Variants in ATP9A observed in about 807,000 individuals in gnomAD.
ATP9A encodes the protein probable phospholipid-transporting ATPase IIA.
Under a neutral mutation model 144.1 loss-of-function variants are expected in ATP9A, and 52 were observed. The ratio of observed to expected loss-of-function variants is 0.36; its 90% CI spans 0.29 to 0.45. The LOEUF (loss-of-function observed/expected upper bound fraction) is 0.45, where lower values mean the gene tolerates loss of function less well. ATP9A is among the 20% of genes least tolerant of loss of function. ATP9A has a pLI of 1.00. For missense variants in ATP9A, 947 were observed against 1,392.7 expected (o/e 0.68, Z 5.09); for synonymous variants, 582 against 557.4 (o/e 1.04, Z -0.62).
rs377152648 is a variant in ATP9A at position 51,670,000 on chromosome 20, G to T, written c.1290C>A (p.Thr430=). Residue 430 remains threonine (T), a synonymous_variant, in exon 13 of 28, where the codon ACC becomes ACA. Coordinates refer to ENST00000338821, the MANE Select transcript of ATP9A (RefSeq NM_006045.3). ...GTGTTGAAATGGAAGGCTTTACCTG[G>T]GTGTAAATGCTGAAAATGTGGCTTT... ...EVQSHIFSIY[T]QQSQDPPAQK... The T allele has an allele frequency of 2.7e-4, 438 of 1,611,846 alleles. 5 individuals are homozygous for T. The South Asian group carries it at 4.5e-3, about 17-fold the overall frequency.
intron 3 of ATP9A, among the ~76,000 whole-genome samples, chr20:51,717,921 T>TGAGATCACG (rs2077669294): frequency 6.7e-6 from 1 of 149,138 alleles, no homozygotes; most frequent in Non-Finnish European, 1.5e-5. Flanking sequence ...GCCATTGCAC[T>TGAGATCACG]CCAGCCTGGG....
intron 4 of ATP9A, among the ~76,000 whole-genome samples, chr20:51,701,246 G>GC (rs2077592064): frequency 6.6e-6 from 1 of 152,094 alleles, no homozygotes; most frequent in Non-Finnish European, 1.5e-5. Flanking sequence ...AATAATAATT[G>GC]CCTATGTATA....
intron 14 of ATP9A, among the ~76,000 whole-genome samples, chr20:51,643,250 G>GAA (rs2077328302): frequency 6.6e-6 from 1 of 152,198 alleles, no homozygotes. Context: ...ACCTTTCAAA[G>GAA]AAAGGACCAA....
chr20:51,619,103 A>C, intron 19 of ATP9A, 60 bp from the exon 20 acceptor site: 1 of 1,473,806 alleles, frequency 6.8e-7, no homozygotes, highest in Non-Finnish European at 9.4e-7. Flanking sequence ...AGAACAACAA[A>C]CAGTGGCTTC....
At position 51,748,948 on chromosome 20, in the gene ATP9A, T is replaced by TAGATAGATAGATAGATAGACAGACAGAC. The variant is rs765791447; in HGVS notation, c.69-18971_69-18970insGTCTGTCTGTCTATCTATCTATCTATCT. On this transcript the variant is annotated intron_variant, in intron 1 of 27. Coordinates refer to ENST00000338821, the MANE Select transcript of ATP9A (RefSeq NM_006045.3). ...ATAGATAGATAGATAGATAGATAGA[T>TAGATAGATAGATAGATAGACAGACAGAC]AGACAGACAGACAGACAGACAGACA... Among the ~76,000 whole-genome samples, 209 of 137,896 alleles carry TAGATAGATAGATAGATAGACAGACAGAC rather than the reference T, an allele frequency of 1.5e-3. 1 individual carries two copies. The highest frequency in any genetic ancestry group is 3.0e-3 in the Admixed American group (39 of 13,098). The allele number at this position is 137,896 out of a possible 152,430, so 90.5% of individuals were successfully genotyped here.
chr20:51,712,973 T>C lies in ATP9A; in HGVS notation c.429A>G (p.Thr143=). ...AGGAGCCAGAAGGCTGACCTCGTGC[T>C]GTGAGCCGGCTGTAGACCTGGGAGT... is the stretch of plus-strand genomic sequence containing the variant. ...EVNSQVYSRL[T]ARGTVKVKSS... Residue 143 remains threonine (T), a synonymous_variant, in exon 4 of 28, where the codon ACA becomes ACG. Transcript: ENST00000338821. The C allele has an allele frequency of 6.2e-7, 1 of 1,610,052 alleles. No homozygotes were observed. The highest frequency in any genetic ancestry group is 8.5e-7 in the Non-Finnish European group (1 of 1,178,182).
intron 4 of ATP9A, among the ~76,000 whole-genome samples, chr20:51,697,935 A>G (rs1413570703): frequency 6.6e-6 from 1 of 152,234 alleles, no homozygotes; most frequent in African/African-American, 2.4e-5. Context: ...GCTTTGATTT[A>G]TAGGATTATG....
At chr20:51,644,830 C>T (rs1223167444) in intron 14 of ATP9A, among the ~76,000 whole-genome samples, 2 of 151,990 alleles carry the variant, frequency 1.3e-5, no homozygotes, top group African/African-American at 2.4e-5. Flanking sequence ...GTAGCTATTA[C>T]TTTGCCTGTT....
chr20:51,707,176 T>C (rs2077618078), intron 4 of ATP9A, among the ~76,000 whole-genome samples: 1 of 152,168 alleles, frequency 6.6e-6, no homozygotes, highest in Admixed American at 6.6e-5. Flanking sequence ...GTCCCGTACT[T>C]GGTTTAATGC....
intron 11 of ATP9A, among the ~76,000 whole-genome samples, chr20:51,673,829 C>T (rs1455405880): frequency 1.3e-5 from 2 of 152,064 alleles, no homozygotes; most frequent in Non-Finnish European, 2.9e-5. Flanking sequence ...TCAGGTAGAT[C>T]ACCTGAGGTC....
chr20:51,708,889 T>C (rs895845964), intron 4 of ATP9A, among the ~76,000 whole-genome samples: 2 of 152,144 alleles, frequency 1.3e-5, no homozygotes, highest in Non-Finnish European at 2.9e-5. Flanking sequence ...ACCGAGGAGC[T>C]CTGCCAGGCT....
intron 3 of ATP9A, among the ~76,000 whole-genome samples, chr20:51,720,186 A>G (rs1288975288): frequency 1.3e-5 from 2 of 152,254 alleles, no homozygotes; most frequent in African/African-American, 2.4e-5. Context: ...GAACATTTGT[A>G]TATTTCTTGA....
chr20:51,614,169 CAA>C (rs983562278), intron 22 of ATP9A, among the ~76,000 whole-genome samples: 1 of 152,164 alleles, frequency 6.6e-6, no homozygotes, highest in African/African-American at 2.4e-5. Flanking sequence ...GCTAATTAAA[CAA>C]GAGGCAAAAA....
chr20:51,608,582 A>G lies in ATP9A; in HGVS notation c.2681T>C (p.Leu894Pro). 6.2e-7 allele frequency: 1 copy of G among 1,613,762 alleles called. No homozygotes were observed. The highest frequency in any genetic ancestry group is 8.5e-7 in the Non-Finnish European group (1 of 1,179,606). Residue 894 changes from leucine to proline, a missense_variant, in exon 25 of 28, where the codon CTG (leucine) becomes CCG (proline). Physicochemically the swap from Leu to Pro is moderately conservative, Grantham distance 98. Transcript: ENST00000338821. ...AACTTCCGATTTGACATCTTTGTCC[A>G]GGACCAGAGAAAACACAGGAAACAT... ...YTMFPVFSLV[L>P]DKDVKSEVAM...
rs2077664325 is a variant in ATP9A, at chr20:51,716,913, C to T, written c.328-3839G>A. Among the ~76,000 whole-genome samples, 3 of 152,134 alleles carry T rather than the reference C, an allele frequency of 2.0e-5. No homozygotes were observed. The South Asian group carries it at 6.2e-4, about 32-fold the overall frequency. On this transcript the variant is annotated intron_variant, in intron 3 of 27. Transcript: ENST00000338821. ...TCAGAGTCAGCTGTCGTGGCTCACA[C>T]CTGTAATCCCAGTACTTCGGGAGGC...
At chr20:51,646,831 T>G (rs1236058435) in intron 14 of ATP9A, among the ~76,000 whole-genome samples, 1 of 152,194 alleles carries the variant, frequency 6.6e-6, no homozygotes, top group East Asian at 1.9e-4. Flanking sequence ...AAAAGGTCAC[T>G]TCTTGCCAGG....
chr20:51,751,810 G>A (rs1038898186), intron 1 of ATP9A, among the ~76,000 whole-genome samples: 1 of 151,906 alleles, frequency 6.6e-6, no homozygotes, highest in Non-Finnish European at 1.5e-5. Flanking sequence ...GGATGGTCTC[G>A]ATCTCCTGAC....
At chr20:51,654,669 G>A (rs899256115) in intron 14 of ATP9A, among the ~76,000 whole-genome samples, 1 of 152,096 alleles carries the variant, frequency 6.6e-6, no homozygotes, top group Admixed American at 6.6e-5. Context: ...GGGCTGCAGT[G>A]AGCCATGATT....
chr20:51,618,621 C>T (rs767792974), intron 21 of ATP9A, 41 bp downstream of exon 21: 11 of 1,572,034 alleles, frequency 7.0e-6, no homozygotes, highest in Admixed American at 5.6e-5. Context: ...CCTGGTGCAC[C>T]GGCAGGCCAG....
Sources: allele counts gnomAD v4.1 joint callset (sites outside exome capture counted in the v4.1 genomes callset), GRCh38; gene constraint gnomAD v4.1.1; transcripts MANE v1.5; gene names NCBI Gene and HGNC (gene_info 2026-07-23, HGNC 2026-07-21).